The following ERBB4 variants were observed in gnomAD, a reference collection of about 807,000 sequenced individuals.
ERBB4 encodes erb-b2 receptor tyrosine kinase 4.
ERBB4 carries 42 observed loss-of-function variants against 158.0 expected under a neutral mutation model. The ratio of observed to expected loss-of-function variants is 0.27; its 90% CI spans 0.21 to 0.34. The LOEUF (loss-of-function observed/expected upper bound fraction) is 0.34. Among genes scored for constraint, ERBB4 ranks in the 10% least tolerant of loss-of-function variants. ERBB4 has a pLI of 1.00. For synonymous variants in ERBB4, 583 were observed against 558.7 expected (o/e 1.04, Z -0.61); for missense variants, 1,333 against 1,624.1 (o/e 0.82, Z 3.08).
chr2:211,437,309 G>T (rs1257246788), intron 20 of ERBB4, among the ~76,000 whole-genome samples: 1 of 152,142 alleles, frequency 6.6e-6, no homozygotes, highest in Non-Finnish European at 1.5e-5. Context: ...TTGTATGCTT[G>T]ATTTTCAGAA....
intron 20 of ERBB4, among the ~76,000 whole-genome samples, chr2:211,497,366 T>C (rs1207411912): frequency 2.0e-5 from 3 of 152,254 alleles, no homozygotes; most frequent in East Asian, 1.9e-4. Context: ...TTCATATTTC[T>C]AAGTACTTTC....
intron 2 of ERBB4, among the ~76,000 whole-genome samples, chr2:211,965,230 A>G (rs2081281063): frequency 6.6e-6 from 1 of 152,224 alleles, no homozygotes; most frequent in Non-Finnish European, 1.5e-5. Context: ...GCTTTTTGAT[A>G]TTAGACCAAT....
chr2:211,682,258 A>C (rs2072377427), intron 12 of ERBB4, among the ~76,000 whole-genome samples: 1 of 152,174 alleles, frequency 6.6e-6, no homozygotes, highest in South Asian at 2.1e-4. Flanking sequence ...TAAGAACCAG[A>C]AGCATCAATG....
intron 25 of ERBB4, among the ~76,000 whole-genome samples, chr2:211,395,979 A>G (rs187578064): frequency 2.2e-4 from 34 of 152,176 alleles, no homozygotes; most frequent in African/African-American, 8.2e-4. Context: ...ATTGTTAAAA[A>G]TAAGTAATCT....
chr2:211,561,983 A>C lies in ERBB4; in HGVS notation c.2407T>G (p.Cys803Gly), dbSNP rs767421470. The change falls in exon 20 of 28, where the codon TGC (cysteine) becomes GGC (glycine). Residue 803 changes from cysteine (C) to glycine (G), a missense_variant. Cys to Gly is a radical substitution (Grantham distance 159). Around this residue, in one of 5 missense-constraint regions of ERBB4, gnomAD observed 314 missense variants for 437.6 expected, o/e 0.72. Coordinates refer to ENST00000342788, the MANE Select transcript of ERBB4 (RefSeq NM_005235.3). ...QLVTQLMPHG[C>G]LLEYVHEHKD... is the part of the protein sequence containing the mutation. ...TGCTCGTGGACATACTCCAACAGGCAGCCATGGGGCATAAGTTGAGTAACC... is the reference window on the plus strand; with the variant it reads ...TGCTCGTGGACATACTCCAACAGGCCGCCATGGGGCATAAGTTGAGTAACC... The C allele has an allele frequency of 1.2e-6, 2 of 1,614,196 alleles. No individual in the cohort carries two copies. Among genetic ancestry groups the C allele is most frequent in the East Asian group, 4.5e-5 (2 of 44,882 alleles).
intron 1 of ERBB4, among the ~76,000 whole-genome samples, chr2:212,131,362 A>G (rs2080102605): frequency 6.6e-6 from 1 of 152,190 alleles, no homozygotes; most frequent in African/African-American, 2.4e-5. Context: ...GCATCTCATT[A>G]AACTTACTGC....
intron 22 of ERBB4, among the ~76,000 whole-genome samples, chr2:211,426,694 C>T (rs552233251): frequency 9.6e-4 from 145 of 151,246 alleles, no homozygotes; most frequent in African/African-American, 3.0e-3. Flanking sequence ...CAGGAGACTG[C>T]CTATATATCT....
At chr2:211,856,424 C>T (rs189256724) in intron 3 of ERBB4, among the ~76,000 whole-genome samples, 29 of 148,414 alleles carry the variant, frequency 2.0e-4, no homozygotes, top group Non-Finnish European at 3.7e-4. Flanking sequence ...CTCGCTCTGT[C>T]GCCCAGGCTG....
At chr2:212,520,384 A>G (rs1338283740) in intron 1 of ERBB4, among the ~76,000 whole-genome samples, 1 of 151,940 alleles carries the variant, frequency 6.6e-6, no homozygotes, top group Non-Finnish European at 1.5e-5. Flanking sequence ...TGTAAAAATT[A>G]TTTTATTGGG....
At chr2:211,871,374 A>G (rs1382024097) in intron 3 of ERBB4, among the ~76,000 whole-genome samples, 1 of 152,090 alleles carries the variant, frequency 6.6e-6, no homozygotes, top group East Asian at 1.9e-4. Flanking sequence ...ACTGCTATAT[A>G]TTGGGGCCAT....
intron 16 of ERBB4, among the ~76,000 whole-genome samples, chr2:211,653,918 C>T (rs1293967073): frequency 1.3e-5 from 2 of 152,086 alleles, no homozygotes; most frequent in Non-Finnish European, 2.9e-5. Flanking sequence ...TTGTGATCTG[C>T]CCGCCTCGGC....
chr2:212,492,196 G>A (rs1304927193), intron 1 of ERBB4, among the ~76,000 whole-genome samples: 1 of 151,310 alleles, frequency 6.6e-6, no homozygotes. Flanking sequence ...TGAAAGCTGT[G>A]TACCCAAATA....
At chr2:211,559,699 T>A (rs1157031129) in intron 20 of ERBB4, among the ~76,000 whole-genome samples, 1 of 152,210 alleles carries the variant, frequency 6.6e-6, no homozygotes. Context: ...CTTTCATTTG[T>A]TGAATGTCTG....
chr2:211,533,306 T>C (rs553478184), intron 20 of ERBB4, among the ~76,000 whole-genome samples: 80 of 152,186 alleles, frequency 5.3e-4, no homozygotes, highest in African/African-American at 1.8e-3. Flanking sequence ...CCATGTCTTC[T>C]GTAATTTTAC....
chr2:212,533,098 T>C (rs934157380), intron 1 of ERBB4, among the ~76,000 whole-genome samples: 1 of 152,114 alleles, frequency 6.6e-6, no homozygotes, highest in African/African-American at 2.4e-5. Context: ...AAAGAGACCA[T>C]AGAACAATTC....
intron 20 of ERBB4, among the ~76,000 whole-genome samples, chr2:211,527,402 G>A (rs2066378247): frequency 6.6e-6 from 1 of 152,044 alleles, no homozygotes; most frequent in African/African-American, 2.4e-5. Context: ...ACAAACAAAA[G>A]CTGAAAAGTG....
rs2078892687 is a variant in ERBB4 at position 211,889,130 on chromosome 2, T to C, written c.421+58300A>G. On this transcript the variant is annotated intron_variant, in intron 3 of 27. Coordinates refer to ENST00000342788, the MANE Select transcript of ERBB4 (RefSeq NM_005235.3). ...CAAACAAAAAGACAGCAGTAACCTCTGCAGACTTAAGTGTCCCTGTCTGAC... is the reference window on the plus strand; with the variant it reads ...CAAACAAAAAGACAGCAGTAACCTCCGCAGACTTAAGTGTCCCTGTCTGAC... 1.4e-5 allele frequency among the ~76,000 whole-genome samples: 2 copies of C among 143,340 alleles called. 1 individual carries two copies. The highest frequency in any genetic ancestry group is 1.3e-4 in the Admixed American group (2 of 14,850). The allele number at this position is 143,340 out of a possible 152,430, so 94.0% of individuals were successfully genotyped here.
chr2:211,827,044 A>C (rs1320160231), intron 3 of ERBB4, among the ~76,000 whole-genome samples: 2 of 152,044 alleles, frequency 1.3e-5, no homozygotes, highest in Non-Finnish European at 2.9e-5. Context: ...TATGAAATAC[A>C]TCTGTGTATA....
intron 1 of ERBB4, among the ~76,000 whole-genome samples, chr2:212,182,903 T>C (rs978011356): frequency 6.6e-6 from 1 of 151,368 alleles, no homozygotes; most frequent in Non-Finnish European, 1.5e-5. Context: ...ATTTTTAAGA[T>C]GAATATTTTA....
Sources: gnomAD v4.1 joint callset for allele counts (sites outside exome capture counted in the v4.1 genomes callset) on GRCh38, gnomAD v4.1.1 for gene constraint, gnomAD v4.1.1 regional missense constraint, MANE v1.5 for transcripts, NCBI Gene and HGNC (gene_info 2026-07-23, HGNC 2026-07-21) for gene names.